EIF3A: variants seen among roughly 807,000 people sequenced by gnomAD.
EIF3A encodes the protein eukaryotic translation initiation factor 3 subunit A, also known as EIF3, p180 subunit.
A neutral mutation model predicts 186.6 loss-of-function variants in EIF3A; 21 were observed. The observed-to-expected ratio is 0.11, with a 90% CI of 0.08 to 0.16. The LOEUF (loss-of-function observed/expected upper bound fraction) is 0.16, where lower values mean the gene tolerates loss of function less well. EIF3A is among the 10% of genes least tolerant of loss of function. EIF3A has a pLI of 1.00. For synonymous variants in EIF3A, 563 were observed against 584.3 expected, an observed-to-expected ratio of 0.96 and a Z score of 0.52; for missense variants, 1,306 against 1,796.3, an observed-to-expected ratio of 0.73 and a Z score of 4.93.
chr10:119,055,570 A>C (rs1413053147), intron 14 of EIF3A, among the ~76,000 whole-genome samples: 3 of 151,986 alleles, frequency 2.0e-5, no homozygotes, highest in Admixed American at 1.3e-4. Context: ...TAAGAATAAA[A>C]ATAATAATAA....
chr10:119,070,505 A>G (rs539238020), intron 5 of EIF3A, among the ~76,000 whole-genome samples: 1 of 152,324 alleles, frequency 6.6e-6, no homozygotes, highest in East Asian at 1.9e-4. Flanking sequence ...AAACACACAA[A>G]ATGTACAATA....
chr10:119,051,563 C>T (rs1319297207), intron 14 of EIF3A, among the ~76,000 whole-genome samples: 4 of 152,070 alleles, frequency 2.6e-5, no homozygotes, highest in Non-Finnish European at 1.5e-5. Flanking sequence ...CCCCATGATA[C>T]CAGGAACTTT....
intron 14 of EIF3A, among the ~76,000 whole-genome samples, chr10:119,054,638 G>T (rs531226976): frequency 6.6e-6 from 1 of 151,142 alleles, no homozygotes; most frequent in Non-Finnish European, 1.5e-5. Context: ...TGAGGCACGA[G>T]AATCACTTGA....
At chr10:119,062,749 T>TC (rs1298470077) in intron 7 of EIF3A, among the ~76,000 whole-genome samples, 1 of 141,208 alleles carries the variant, frequency 7.1e-6, no homozygotes, top group Non-Finnish European at 1.6e-5. Context: ...TCACCTTTTT[T>TC]TTTTTTTTTT....
At chr10:119,049,393 C>T (rs779079818) in intron 17 of EIF3A, among the ~76,000 whole-genome samples, 17 of 147,046 alleles carry the variant, frequency 1.2e-4, no homozygotes, top group Non-Finnish European at 2.5e-4. Flanking sequence ...AAGACTGAAG[C>T]AAGAGAATGG....
intron 19 of EIF3A, among the ~76,000 whole-genome samples, chr10:119,039,620 A>G (rs1848181781): frequency 6.6e-6 from 1 of 152,164 alleles, no homozygotes; most frequent in Non-Finnish European, 1.5e-5. Context: ...CGGTGATCTG[A>G]GATCACGCCA....
chr10:119,061,394 G>T, intron 7 of EIF3A, 66 bp from the exon 8 acceptor site: 1 of 695,660 alleles, frequency 1.4e-6, no homozygotes, highest in Non-Finnish European at 2.5e-6. Flanking sequence ...TCTGAACTTA[G>T]TATAAATGAT....
chr10:119,073,405 C>T (rs777781056), intron 3 of EIF3A, 36 bp downstream of exon 3: 2 of 1,469,720 alleles, frequency 1.4e-6, no homozygotes, highest in South Asian at 1.3e-5. Context: ...ACCAAGTTAA[C>T]TATCAAAGCA....
intron 10 of EIF3A, 86 bp from the exon 11 acceptor site, chr10:119,059,483 G>A (rs1312610006): frequency 7.7e-7 from 1 of 1,298,442 alleles, no homozygotes; most frequent in Non-Finnish European, 1.1e-6. Flanking sequence ...ACAAAAGCTG[G>A]AAAAGTTCAC....
At chr10:119,076,619 A>G (rs1455627592) in intron 1 of EIF3A, among the ~76,000 whole-genome samples, 1 of 152,112 alleles carries the variant, frequency 6.6e-6, no homozygotes, top group African/African-American at 2.4e-5. Context: ...GTCTTCTCCT[A>G]TATAGTGCAT....
At chr10:119,068,620 C>T (rs1389121521) in intron 6 of EIF3A, among the ~76,000 whole-genome samples, 1 of 151,632 alleles carries the variant, frequency 6.6e-6, no homozygotes, top group Non-Finnish European at 1.5e-5. Flanking sequence ...AGTGAGATCG[C>T]ATCATTGCAC....
At chr10:119,045,502 G>A (rs1322698208) in intron 17 of EIF3A, among the ~76,000 whole-genome samples, 1 of 152,142 alleles carries the variant, frequency 6.6e-6, no homozygotes, top group Non-Finnish European at 1.5e-5. Flanking sequence ...ACAGCCAGAA[G>A]GCCAAGCTTC....
chr10:119,045,493 C>G (rs750000017), intron 17 of EIF3A, among the ~76,000 whole-genome samples: 14 of 152,284 alleles, frequency 9.2e-5, no homozygotes, highest in African/African-American at 3.4e-4. Context: ...GGAACAAATA[C>G]AGCCAGAAGG....
chr10:119,071,108 T>G, intron 4 of EIF3A, 23 bp from the exon 5 acceptor site: 1 of 1,529,504 alleles, frequency 6.5e-7, no homozygotes, highest in East Asian at 2.3e-5. Flanking sequence ...TTGTAAAATA[T>G]ATTAGGTACC....
At chr10:119,037,481 G>T (rs1848149083) in intron 20 of EIF3A, among the ~76,000 whole-genome samples, 172 bp from the exon 21 acceptor site, 1 of 152,142 alleles carries the variant, frequency 6.6e-6, no homozygotes, top group South Asian at 2.1e-4. Context: ...AGAACACCCA[G>T]ATCTGTGCCG....
chr10:119,073,316 T>C, intron 3 of EIF3A, 125 bp downstream of exon 3: 1 of 797,114 alleles, frequency 1.3e-6, no homozygotes, highest in South Asian at 2.0e-5. Context: ...TTACTATGCA[T>C]TTAAAACTTC....
rs891409623 is a variant in EIF3A at position 119,049,876 on chromosome 10, C to T, written c.2583G>A (p.Arg861=). The T allele has an allele frequency of 1.2e-6, 2 of 1,614,052 alleles. No individual in the cohort carries two copies. Among genetic ancestry groups the T allele is most frequent in the Non-Finnish European group, 1.7e-6 (2 of 1,180,042 alleles). ...GTTCTCGTTCTTCAATTTCCAACTC[C>T]CTTTGGCGTTTTTTCCTTTCCACTT... ...LEEVERKKRQ[R]ELEIEERERR... The change falls in exon 17 of 22, where the codon AGG becomes AGA. Residue 861 remains arginine (R), a synonymous_variant. Transcript: ENST00000369144.
chr10:119,052,734 C>T (rs909157911), intron 14 of EIF3A, among the ~76,000 whole-genome samples: 2 of 152,194 alleles, frequency 1.3e-5, no homozygotes, highest in African/African-American at 4.8e-5. Flanking sequence ...ATTTTCTCCA[C>T]TCTACTCATG....
chr10:119,074,699 C>T (rs530858725), intron 1 of EIF3A, among the ~76,000 whole-genome samples: 75 of 150,468 alleles, frequency 5.0e-4, no homozygotes, highest in African/African-American at 1.7e-3. Context: ...TTTGGGAGGA[C>T]GAGGAGGGCA....
Sources: allele counts gnomAD v4.1 joint callset (sites outside exome capture counted in the v4.1 genomes callset), GRCh38; gene constraint gnomAD v4.1.1; transcripts MANE v1.5; gene names NCBI Gene and HGNC (gene_info 2026-07-23, HGNC 2026-07-21).